GYG1: variants seen among roughly 807,000 people sequenced by gnomAD.
GYG1 encodes the protein glycogenin-1.
In GYG1, 44 loss-of-function variants were observed where a neutral mutation model predicts 41.9. The observed-to-expected ratio is 1.05, with a 90% confidence interval of 0.83 to 1.35. The LOEUF is 1.35. Ranked by LOEUF, GYG1 falls within the 40% of genes most tolerant of loss-of-function variation. The pLI is 0.00. For missense variants in GYG1, 429 were observed against 418.9 expected, an observed-to-expected ratio of 1.02 and a Z score of -0.21; for synonymous variants, 141 against 158.1, an observed-to-expected ratio of 0.89 and a Z score of 0.81.
intron 5 of GYG1, among the ~76,000 whole-genome samples, chr3:149,010,327 CTTT>C (rs11480779): frequency 7.7e-5 from 10 of 129,426 alleles, no homozygotes; most frequent in African/African-American, 1.2e-4. Flanking sequence ...TGGTGCAGTT[CTTT>C]TTTTTTTTTT....
intron 5 of GYG1, among the ~76,000 whole-genome samples, chr3:149,022,419 C>G (rs1296705976): frequency 6.6e-6 from 1 of 151,634 alleles, no homozygotes; most frequent in Non-Finnish European, 1.5e-5. Flanking sequence ...CGCCTTTCCC[C>G]CAGAGGTAAC....
intron 2 of GYG1, among the ~76,000 whole-genome samples, chr3:148,994,517 A>G (rs1712679164): frequency 2.1e-5 from 1 of 47,542 alleles, no homozygotes; most frequent in Non-Finnish European, 3.6e-5. Context: ...GGTTCCAACT[A>G]GGAGGGGAAA....
At chr3:149,013,952 C>T (rs967861905) in intron 5 of GYG1, among the ~76,000 whole-genome samples, 5 of 152,174 alleles carry the variant, frequency 3.3e-5, no homozygotes, top group African/African-American at 9.7e-5. Context: ...GCCTGCTGAT[C>T]GTTCATTCAG....
At chr3:148,994,805 A>C (rs1712694288) in intron 2 of GYG1, among the ~76,000 whole-genome samples, 2 of 152,214 alleles carry the variant, frequency 1.3e-5, no homozygotes, top group Admixed American at 6.5e-5. Flanking sequence ...TTTCCAAACT[A>C]GGTTTTACTA....
intron 4 of GYG1, among the ~76,000 whole-genome samples, chr3:149,000,527 G>T (rs1174798738): frequency 6.6e-6 from 1 of 152,212 alleles, no homozygotes; most frequent in African/African-American, 2.4e-5. Context: ...TGAGGCTGAT[G>T]AACTTGACTC....
At chr3:149,012,480 C>T (rs548908149) in intron 5 of GYG1, among the ~76,000 whole-genome samples, 52 of 152,248 alleles carry the variant, frequency 3.4e-4, no homozygotes, top group African/African-American at 1.2e-3. Context: ...TTTAGACACC[C>T]CAGAATCTTA....
intron 1 of GYG1, among the ~76,000 whole-genome samples, chr3:148,993,687 T>G (rs1712621880): frequency 6.6e-6 from 1 of 152,180 alleles, no homozygotes. Flanking sequence ...GGCATAAACG[T>G]AAGCACCAGA....
intron 4 of GYG1, among the ~76,000 whole-genome samples, chr3:149,005,725 T>C (rs1013052281): frequency 6.6e-6 from 1 of 152,220 alleles, no homozygotes; most frequent in African/African-American, 2.4e-5. Context: ...TTCCTGATTG[T>C]ATTTTGCACA....
At chr3:149,012,595 T>TTA (rs1255531847) in intron 5 of GYG1, among the ~76,000 whole-genome samples, 2 of 152,174 alleles carry the variant, frequency 1.3e-5, no homozygotes, top group Non-Finnish European at 1.5e-5. Context: ...AGCCACAAAA[T>TTA]AGCACATCTA....
chr3:149,013,624 A>C (rs1200358654), intron 5 of GYG1, among the ~76,000 whole-genome samples: 1 of 152,170 alleles, frequency 6.6e-6, no homozygotes, highest in Non-Finnish European at 1.5e-5. Flanking sequence ...TCTTTTAAAC[A>C]GTTCTGAGGA....
intron 4 of GYG1, chr3:149,008,156 G>A (rs61586792): frequency 0.025 from 3,817 of 152,280 alleles, 170 homozygotes; most frequent in African/African-American, 0.088. Flanking sequence ...TGGGCCCTCT[G>A]TTGATAAGCC....
intron 4 of GYG1, among the ~76,000 whole-genome samples, chr3:149,006,410 T>G (rs1576544143): frequency 6.6e-6 from 1 of 152,302 alleles, no homozygotes; most frequent in Admixed American, 6.5e-5. Flanking sequence ...CACAACTACA[T>G]CTGTCATTCT....
Position 149,004,974 on chromosome 3 carries a change from C to A in GYG1, c.482-4302C>A, listed in dbSNP as rs114714566. Among the ~76,000 whole-genome samples, 520 of 152,272 alleles carry A rather than the reference C, an allele frequency of 3.4e-3. 5 individuals carry two copies. Among genetic ancestry groups the A allele is most frequent in the African/African-American group, 0.012 (503 of 41,552 alleles). On this transcript the variant is annotated intron_variant, in intron 4 of 7. Coordinates refer to ENST00000345003, the MANE Select transcript of GYG1 (RefSeq NM_004130.4). ...GCAGCTCTGACTCCTGTTTCCCAGG[C>A]TCATGCAGGTCGGATTTGGAAGTTC... is the stretch of plus-strand genomic sequence containing the variant.
intron 5 of GYG1, among the ~76,000 whole-genome samples, chr3:149,013,916 C>T (rs1460579481): frequency 1.3e-5 from 2 of 152,314 alleles, no homozygotes; most frequent in South Asian, 4.1e-4. Flanking sequence ...GAGTTTGGGT[C>T]ACTCTTTTTT....
intron 5 of GYG1, among the ~76,000 whole-genome samples, chr3:149,011,564 T>C (rs1713727162): frequency 6.6e-6 from 1 of 152,324 alleles, no homozygotes; most frequent in African/African-American, 2.4e-5. Context: ...ATGCAGACAC[T>C]GCTTGCAGTA....
intron 1 of GYG1, chr3:148,992,883 C>G (rs1712569297): frequency 6.6e-6 from 1 of 151,630 alleles, no homozygotes; most frequent in Non-Finnish European, 1.5e-5. Context: ...GAAGATGGCT[C>G]TCAGGTCAGC....
chr3:149,026,729 C>T, intron 7 of GYG1, 31 bp from the exon 8 acceptor site: 1 of 1,449,480 alleles, frequency 6.9e-7, no homozygotes, highest in South Asian at 1.1e-5. Context: ...ATTTTCAGCT[C>T]TCATAGAGTC....
chr3:148,991,751 G>A (rs1037734236), intron 1 of GYG1, 104 bp downstream of exon 1: 1 of 966,752 alleles, frequency 1.0e-6, no homozygotes, highest in Non-Finnish European at 1.5e-6. Flanking sequence ...TTCCCGGCAG[G>A]ACGAAACCGC....
At chr3:148,998,252 G>A (rs911505626) in intron 4 of GYG1, among the ~76,000 whole-genome samples, 2 of 152,196 alleles carry the variant, frequency 1.3e-5, no homozygotes, top group African/African-American at 2.4e-5. Flanking sequence ...GGAAGTTTAA[G>A]TCTCAGTTTT....
Sources: gnomAD v4.1 joint callset for allele counts (sites outside exome capture counted in the v4.1 genomes callset) on GRCh38, gnomAD v4.1.1 for gene constraint, MANE v1.5 for transcripts, NCBI Gene and HGNC (gene_info 2026-07-23, HGNC 2026-07-21) for gene names.